The following ARHGAP10 variants were observed in gnomAD, a reference collection of about 807,000 sequenced individuals.
ARHGAP10 encodes the protein Rho GTPase activating protein 10.
A neutral mutation model predicts 108.6 loss-of-function variants in ARHGAP10; 87 were observed. The ratio of observed to expected loss-of-function variants is 0.80; its 90% CI spans 0.67 to 0.96. The LOEUF (loss-of-function observed/expected upper bound fraction) is 0.96. Among genes scored for constraint, ARHGAP10 ranks in the 40% least tolerant of loss-of-function variants. The pLI, the probability that ARHGAP10 is intolerant of heterozygous loss-of-function variation, is 0.00. For missense variants in ARHGAP10, 939 were observed against 954.5 expected (o/e 0.98, Z 0.21); for synonymous variants, 347 against 341.1 (o/e 1.02, Z -0.19).
intron 14 of ARHGAP10, among the ~76,000 whole-genome samples, chr4:147,940,768 G>C (rs1738139033): frequency 3.3e-5 from 5 of 152,216 alleles, no homozygotes; most frequent in Admixed American, 3.3e-4. Context: ...TAGGAAGCAT[G>C]AGCCAAGTTG....
chr4:147,955,467 G>A, intron 16 of ARHGAP10, 93 bp downstream of exon 16: 2 of 1,105,730 alleles, frequency 1.8e-6, no homozygotes, highest in Non-Finnish European at 2.7e-6. Flanking sequence ...ACTTGTTATT[G>A]CAGTTTGTGT....
intron 15 of ARHGAP10, among the ~76,000 whole-genome samples, chr4:147,953,789 A>T (rs981802138): frequency 8.6e-5 from 13 of 151,836 alleles, no homozygotes; most frequent in African/African-American, 3.1e-4. Context: ...TCTTTTGCTT[A>T]CTTTGGGCTT....
intron 13 of ARHGAP10, among the ~76,000 whole-genome samples, chr4:147,913,962 G>C (rs531679654): frequency 5.5e-4 from 84 of 152,278 alleles, no homozygotes; most frequent in African/African-American, 1.7e-3. Flanking sequence ...AGACCATCCT[G>C]GCGAACATGG....
intron 1 of ARHGAP10, among the ~76,000 whole-genome samples, chr4:147,763,436 C>T (rs528397459): frequency 2.0e-5 from 3 of 151,816 alleles, no homozygotes; most frequent in East Asian, 3.9e-4. Context: ...CTCAGCCTCT[C>T]GAGTAGCTGG....
intron 4 of ARHGAP10, among the ~76,000 whole-genome samples, chr4:147,853,907 T>C (rs1324830979): frequency 6.6e-6 from 1 of 152,198 alleles, no homozygotes; most frequent in African/African-American, 2.4e-5. Context: ...TGAGGTTCTC[T>C]TTCTGCTTCC....
chr4:147,844,479 C>T (rs80305223), intron 3 of ARHGAP10, among the ~76,000 whole-genome samples: 2 of 152,166 alleles, frequency 1.3e-5, no homozygotes, highest in Non-Finnish European at 2.9e-5. Flanking sequence ...CTACCTCCCC[C>T]CTACTATACT....
intron 10 of ARHGAP10, among the ~76,000 whole-genome samples, chr4:147,890,401 G>T (rs1013917123): frequency 4.6e-5 from 7 of 152,152 alleles, no homozygotes; most frequent in African/African-American, 1.7e-4. Flanking sequence ...TAAGACCACA[G>T]ATTTGAAAAT....
intron 1 of ARHGAP10, among the ~76,000 whole-genome samples, chr4:147,760,973 G>A (rs943058836): frequency 5.9e-5 from 9 of 151,810 alleles, no homozygotes; most frequent in African/African-American, 1.9e-4. Context: ...AAAAGAGCTG[G>A]TTGTAGGTAA....
chr4:148,015,975 C>T (rs542244998), intron 18 of ARHGAP10, among the ~76,000 whole-genome samples: 1 of 152,192 alleles, frequency 6.6e-6, no homozygotes, highest in East Asian at 1.9e-4. Context: ...GTGAATGGGG[C>T]TTGGTATGAC....
intron 1 of ARHGAP10, among the ~76,000 whole-genome samples, chr4:147,737,685 A>G (rs2126675460): frequency 6.6e-6 from 1 of 152,308 alleles, no homozygotes; most frequent in Non-Finnish European, 1.5e-5. Flanking sequence ...TCCAACTGTC[A>G]CTTGGGGCTT....
chr4:147,859,924 C>CTGAA (rs1734245342), intron 5 of ARHGAP10, among the ~76,000 whole-genome samples: 1 of 152,220 alleles, frequency 6.6e-6, no homozygotes, highest in South Asian at 2.1e-4. Flanking sequence ...CATGCTCTCA[C>CTGAA]TGAAGCAGCC....
chr4:148,038,745 T>G (rs1728490881), intron 19 of ARHGAP10, among the ~76,000 whole-genome samples: 1 of 152,138 alleles, frequency 6.6e-6, no homozygotes, highest in African/African-American at 2.4e-5. Context: ...CAAGGGGATA[T>G]AGGGGCATGA....
chr4:147,895,679 C>T (rs1294162159), intron 10 of ARHGAP10, among the ~76,000 whole-genome samples: 3 of 150,508 alleles, frequency 2.0e-5, no homozygotes, highest in South Asian at 4.2e-4. Context: ...GAGAGAGACC[C>T]TGTCTCAAAA....
Position 147,870,928 on chromosome 4 carries a change from C to CTCTGTGTGTG in ARHGAP10, c.703-4092_703-4091insCTGTGTGTGT, listed in dbSNP as rs980899526. Reference sequence around the variant, plus strand: ...GAAAGTAGAATACCAAAACTACAGACTGTGTGTGTGTGTGTGTGTGTGTGT... The same window carrying CTCTGTGTGTG: ...GAAAGTAGAATACCAAAACTACAGACTCTGTGTGTGTGTGTGTGTGTGTGTGTGTGTGTGT... On this transcript the variant is annotated intron_variant, in intron 7 of 22. Transcript: ENST00000336498. Among the ~76,000 whole-genome samples the CTCTGTGTGTG allele has an allele frequency of 2.2e-5, 3 of 139,156 alleles. No individual in the cohort carries two copies. In the South Asian group the frequency reaches 7.5e-4, roughly 35 times the overall value. 91.3% of individuals were successfully genotyped at this position (139,156 alleles called of 152,430 possible).
chr4:148,046,823 T>C (rs547803195), intron 19 of ARHGAP10, 69 bp from the exon 20 acceptor site: 3 of 1,459,634 alleles, frequency 2.1e-6, no homozygotes, highest in South Asian at 1.2e-5. Flanking sequence ...AGTAACACCA[T>C]ATAATTATTA....
chr4:147,946,427 G>A (rs1738381346), intron 14 of ARHGAP10, 190 bp from the exon 15 acceptor site: 1 of 475,124 alleles, frequency 2.1e-6, no homozygotes, highest in East Asian at 3.3e-5. Flanking sequence ...CAGATTTTAC[G>A]AAGTGCCAGA....
intron 18 of ARHGAP10, among the ~76,000 whole-genome samples, chr4:148,001,729 T>C (rs1338924256): frequency 2.6e-5 from 4 of 152,132 alleles, no homozygotes; most frequent in Non-Finnish European, 5.9e-5. Context: ...GTTATTGGTG[T>C]ATAAGAATGC....
At chr4:147,943,545 C>T (rs2126966556) in intron 14 of ARHGAP10, among the ~76,000 whole-genome samples, 1 of 152,292 alleles carries the variant, frequency 6.6e-6, no homozygotes, top group African/African-American at 2.4e-5. Context: ...GGTTGGACTG[C>T]AGATTTTCAG....
At position 147,857,573 on chromosome 4, in the gene ARHGAP10, C is replaced by T; in HGVS notation, c.405C>T (p.Asp135=). Residue 135 remains aspartate (D), a synonymous_variant, in exon 5 of 23, where the codon GAC becomes GAT. Coordinates refer to ENST00000336498, the MANE Select transcript of ARHGAP10 (RefSeq NM_024605.4). ...TGTAGGAAGAAAAAAAGAAGTTTGA[C>T]AAAGAGACAGAAAAGAATTATAGTC... ...GAVKEEKKKF[D]KETEKNYSLI... 6.8e-7 allele frequency: 1 copy of T among 1,474,208 alleles called. No homozygotes were observed. Among genetic ancestry groups the T allele is most frequent in the East Asian group, 2.6e-5 (1 of 38,940 alleles). The allele number at this position is 1,474,208 out of a possible 1,614,324, so 91.3% of individuals were successfully genotyped here. A position where few individuals can be genotyped will look rare whatever the true frequency, so the allele number is the denominator to read the frequency against.
Sources: allele counts gnomAD v4.1 joint callset (sites outside exome capture counted in the v4.1 genomes callset), GRCh38; gene constraint gnomAD v4.1.1; transcripts MANE v1.5; gene names NCBI Gene and HGNC (gene_info 2026-07-23, HGNC 2026-07-21).